Variants in DNAH9 observed in about 807,000 individuals in gnomAD.
The protein encoded by DNAH9 is DNAH9 variant protein.
Under a neutral mutation model 471.6 loss-of-function variants are expected in DNAH9, and 345 were observed. The ratio of observed to expected loss-of-function variants is 0.73; its 90% CI spans 0.67 to 0.80. The LOEUF is 0.80. Among genes scored for constraint, DNAH9 ranks in the 30% least tolerant of loss-of-function variants. The pLI, the probability that DNAH9 is intolerant of heterozygous loss-of-function variation, is 0.00. For synonymous variants in DNAH9, 2,093 were observed against 2,123.6 expected, an observed-to-expected ratio of 0.99 and a Z score of 0.40; for missense variants, 5,407 against 5,609.2, an observed-to-expected ratio of 0.96 and a Z score of 1.15.
intron 14 of DNAH9, among the ~76,000 whole-genome samples, chr17:11,659,081 G>A (rs1272474189): frequency 3.3e-5 from 5 of 152,088 alleles, no homozygotes; most frequent in Non-Finnish European, 5.9e-5. Flanking sequence ...CCTTAAATAT[G>A]TGATAGAATT....
chr17:11,610,531 G>A lies in DNAH9; in HGVS notation c.750G>A (p.Val250=). Residue 250 remains valine, a synonymous_variant, in exon 3 of 69, where the codon GTG becomes GTA. Coordinates refer to ENST00000262442, the MANE Select transcript of DNAH9 (RefSeq NM_001372.4). ...LLQGENPTPK[V]ELEFWKSRYE... ...AAGGGGAGAATCCCACCCCTAAGGT[G>A]GAGTTGGAGTTCTGGAAGAGCAGGT... 3 of 1,612,798 alleles carry A rather than the reference G, an allele frequency of 1.9e-6. No individual in the cohort carries two copies. The highest frequency in any genetic ancestry group is 2.5e-6 in the Non-Finnish European group (3 of 1,179,942).
rs554822430 is a variant in DNAH9 at position 11,622,242 on chromosome 17, A to G, written c.1350+2461A>G. On this transcript the variant is annotated intron_variant, in intron 6 of 68. Coordinates refer to ENST00000262442, the MANE Select transcript of DNAH9 (RefSeq NM_001372.4). ...GGGAAGACAAAGATGGGAAGGGCAT[A>G]AAGAGAGAAAATGCGTGAGAGAGAA... Among the ~76,000 whole-genome samples the G allele has an allele frequency of 3.3e-5, 5 of 152,374 alleles. No individual in the cohort carries two copies. The East Asian group carries it at 9.6e-4, about 29-fold the overall frequency.
Position 11,807,778 on chromosome 17 carries a change from C to G in DNAH9, c.8467C>G (p.Leu2823Val). The change falls in exon 44 of 69, where the codon CTG (leucine) becomes GTG (valine). Residue 2823 changes from leucine to valine, a missense_variant. Coordinates refer to ENST00000262442, the MANE Select transcript of DNAH9 (RefSeq NM_001372.4). ...ILESPRGNAL[L>V]VGVGGSGKQS... ...GGAGTCCCCGCGGGGAAATGCTCTG[C>G]TGGTTGGTGTAGGTGGGAGCGGCAA... 1.9e-6 allele frequency: 3 copies of G among 1,613,876 alleles called. No individual in the cohort carries two copies. Among genetic ancestry groups the G allele is most frequent in the South Asian group, 1.1e-5 (1 of 91,048 alleles).
Position 11,784,299 on chromosome 17 carries a change from G to A in DNAH9, c.7822-1G>A, listed in dbSNP as rs1567800215. The A allele has an allele frequency of 6.2e-7, 1 of 1,614,112 alleles. No individual in the cohort carries two copies. Among genetic ancestry groups the A allele is most frequent in the Non-Finnish European group, 8.5e-7 (1 of 1,179,984 alleles). ...AGCTCATGCCTTTGTTTCCTGTACA[G>A]CGTCACTTCAGCGTGTTTGTCCTCT... On this transcript the variant is annotated splice_acceptor_variant, in intron 40 of 68. Transcript: ENST00000262442. LOFTEE classifies it high-confidence loss of function.
At chr17:11,927,643 C>T (rs1290725659) in intron 62 of DNAH9, among the ~76,000 whole-genome samples, 1 of 152,142 alleles carries the variant, frequency 6.6e-6, no homozygotes, top group African/African-American at 2.4e-5. Flanking sequence ...GGAAATGCTG[C>T]CTGAGGACCC....
chr17:11,698,041 T>A (rs1012749347), intron 22 of DNAH9, among the ~76,000 whole-genome samples: 1 of 145,388 alleles, frequency 6.9e-6, no homozygotes, highest in African/African-American at 2.5e-5. Context: ...GTATAAAGGT[T>A]AAAAAAATTA....
intron 25 of DNAH9, among the ~76,000 whole-genome samples, 188 bp from the exon 26 acceptor site, chr17:11,704,837 C>A (rs544240175): frequency 6.6e-6 from 1 of 152,280 alleles, no homozygotes; most frequent in South Asian, 2.1e-4. Context: ...CCTGCCTTGG[C>A]CTCCCAAAGT....
chr17:11,619,982 G>C, intron 6 of DNAH9: 7 of 562,618 alleles, frequency 1.2e-5, no homozygotes, highest in Non-Finnish European at 2.2e-5. Context: ...AGGCAAAGGT[G>C]GGTGGATTGC....
chr17:11,861,035 T>C (rs1486228203), intron 50 of DNAH9, among the ~76,000 whole-genome samples: 1 of 151,978 alleles, frequency 6.6e-6, no homozygotes, highest in Admixed American at 6.6e-5. Context: ...TTCTTTTTTT[T>C]TTTTTTATAC....
intron 28 of DNAH9, among the ~76,000 whole-genome samples, chr17:11,737,406 G>A (rs1258471627): frequency 7.4e-6 from 1 of 134,374 alleles, no homozygotes; most frequent in Non-Finnish European, 1.5e-5. Context: ...TGCTCTTCTA[G>A]CACCCTGGAC....
At chr17:11,713,934 GT>G (rs1437570031) in intron 26 of DNAH9, among the ~76,000 whole-genome samples, 3 of 152,130 alleles carry the variant, frequency 2.0e-5, no homozygotes, top group Non-Finnish European at 4.4e-5. Context: ...GATGATATGG[GT>G]GGCGTTGCTC....
chr17:11,694,618 CTTTCTTGCTTTCTTGCTTTCTT>C (rs1567724460), intron 22 of DNAH9, among the ~76,000 whole-genome samples, 171 bp downstream of exon 22: 4 of 5,270 alleles, frequency 7.6e-4, no homozygotes, highest in African/African-American at 8.6e-4. Flanking sequence ...TGCTTTCTTG[CTTTCTTGCTTTCTTGCTTTCTT>C]GCTTTCTCGC....
At chr17:11,775,867 T>C (rs889896355) in intron 38 of DNAH9, among the ~76,000 whole-genome samples, 8 of 152,090 alleles carry the variant, frequency 5.3e-5, no homozygotes, top group Non-Finnish European at 1.0e-4. Context: ...GCTGGGATTA[T>C]AGGCGTGAGC....
chr17:11,678,863 A>G (rs933209344), intron 17 of DNAH9, among the ~76,000 whole-genome samples: 2 of 152,058 alleles, frequency 1.3e-5, no homozygotes, highest in Non-Finnish European at 2.9e-5. Context: ...CACTTTTGTT[A>G]TACTTATGTG....
At chr17:11,672,926 A>G (rs962718666) in intron 17 of DNAH9, among the ~76,000 whole-genome samples, 3 of 151,958 alleles carry the variant, frequency 2.0e-5, no homozygotes, top group Non-Finnish European at 4.4e-5. Flanking sequence ...CTTCAAACCC[A>G]TCAGGATTTC....
At chr17:11,697,291 G>A (rs1045983965) in intron 22 of DNAH9, among the ~76,000 whole-genome samples, 6 of 152,040 alleles carry the variant, frequency 3.9e-5, no homozygotes, top group African/African-American at 1.4e-4. Flanking sequence ...TTTCACATGT[G>A]AGCAAGTGAA....
intron 67 of DNAH9, among the ~76,000 whole-genome samples, chr17:11,948,154 T>A (rs1173607853): frequency 1.3e-5 from 2 of 151,720 alleles, no homozygotes; most frequent in Non-Finnish European, 2.9e-5. Flanking sequence ...ATTGACAAAA[T>A]CTGTTTCTAA....
intron 54 of DNAH9, among the ~76,000 whole-genome samples, chr17:11,880,490 A>G (rs562851890): frequency 6.6e-6 from 1 of 152,304 alleles, no homozygotes; most frequent in South Asian, 2.1e-4. Context: ...GAAATCGGTC[A>G]AAAAGCAGAC....
intron 35 of DNAH9, among the ~76,000 whole-genome samples, chr17:11,762,781 T>TTG (rs1567783412): frequency 1.5e-5 from 2 of 131,634 alleles, no homozygotes; most frequent in Non-Finnish European, 3.3e-5. Flanking sequence ...TTTTTTTTTT[T>TTG]TTTTTTTTTT....
Sources: allele counts gnomAD v4.1 joint callset (sites outside exome capture counted in the v4.1 genomes callset), GRCh38; gene constraint gnomAD v4.1.1; transcripts MANE v1.5; gene names NCBI Gene and HGNC (gene_info 2026-07-23, HGNC 2026-07-21).